Variants in PLA2R1 observed in about 807,000 individuals in gnomAD.
PLA2R1 encodes phospholipase A2 receptor 1.
Under a neutral mutation model 195.9 loss-of-function variants are expected in PLA2R1, and 158 were observed. The observed-to-expected ratio is 0.81, with a 90% CI of 0.71 to 0.92. The LOEUF is 0.92. Ranked by LOEUF, PLA2R1 falls within the 40% of genes least tolerant of loss-of-function variation. The pLI is 0.00. For synonymous variants in PLA2R1, 586 were observed against 598.2 expected (o/e 0.98, Z 0.30); for missense variants, 1,626 against 1,764.6 (o/e 0.92, Z 1.41).
At chr2:160,006,436 A>C (rs1691992198) in intron 10 of PLA2R1, among the ~76,000 whole-genome samples, 1 of 152,214 alleles carries the variant, frequency 6.6e-6, no homozygotes, top group African/African-American at 2.4e-5. Context: ...GTGAAAGCCT[A>C]GGAACTAATC....
chr2:159,996,184 ACTT>A (rs1691197913), intron 11 of PLA2R1, among the ~76,000 whole-genome samples: 1 of 152,084 alleles, frequency 6.6e-6, no homozygotes, highest in African/African-American at 2.4e-5. Context: ...TCTCTGAAGA[ACTT>A]CTTTGAATAT....
At chr2:159,981,853 T>A (rs1689976607) in intron 13 of PLA2R1, among the ~76,000 whole-genome samples, 2 of 152,098 alleles carry the variant, frequency 1.3e-5, no homozygotes, top group Non-Finnish European at 2.9e-5. Context: ...TTTTGAAAAA[T>A]TTTTTTGTAG....
chr2:159,981,219 G>A (rs934889104), intron 13 of PLA2R1, among the ~76,000 whole-genome samples: 1 of 56,126 alleles, frequency 1.8e-5, no homozygotes, highest in East Asian at 4.7e-4. Flanking sequence ...GTGCATACGT[G>A]TGTGTGTGTG....
In PLA2R1 at chr2:159,951,432, C is replaced by A; in HGVS notation, c.3448G>T (p.Val1150Phe). ...KTCLMHKAQL[V>F]SITDQYHQSF... The stretch of plus-strand genomic sequence containing the variant: ...TGGTGATACTGGTCTGTGATGCTGA[C>A]CAGTTGTGCTTTGTGCATCAGGCAG... Residue 1150 changes from valine (V) to phenylalanine (F), a missense_variant, in exon 24 of 30, where the codon GTC becomes TTC. Physicochemically the swap from Val to Phe is conservative, Grantham distance 50 (BLOSUM62 -1). Transcript: ENST00000283243. 6.2e-7 allele frequency: 1 copy of A among 1,613,836 alleles called. No individual in the cohort carries two copies. The highest frequency in any genetic ancestry group is 8.5e-7 in the Non-Finnish European group (1 of 1,179,778).
intron 2 of PLA2R1, among the ~76,000 whole-genome samples, chr2:160,043,549 G>C (rs1000471143): frequency 3.9e-4 from 60 of 152,278 alleles, no homozygotes; most frequent in African/African-American, 1.3e-3. Flanking sequence ...CATGTCACCA[G>C]TCACCAGCCT....
In PLA2R1 at chr2:160,045,171, C is replaced by A; in HGVS notation, c.110-14G>T. ...ATATTCCTTTATCTGAAACAAAAATCAAAGATGTGGCATGAAATTTTCATA... is the reference window on the plus strand; with the variant it reads ...ATATTCCTTTATCTGAAACAAAAATAAAAGATGTGGCATGAAATTTTCATA... On this transcript the variant is annotated splice_polypyrimidine_tract_variant and intron_variant, in intron 1 of 29. Transcript: ENST00000283243. 1.9e-6 allele frequency: 3 copies of A among 1,576,612 alleles called. No individual in the cohort carries two copies. In the South Asian group the frequency reaches 3.4e-5, roughly 18 times the overall value.
intron 1 of PLA2R1, among the ~76,000 whole-genome samples, chr2:160,061,685 G>C (rs1248825623): frequency 6.6e-6 from 1 of 152,182 alleles, no homozygotes; most frequent in African/African-American, 2.4e-5. Context: ...TGAGGTGGGA[G>C]GATCGCTTGA....
intron 17 of PLA2R1, among the ~76,000 whole-genome samples, chr2:159,973,476 T>C (rs1372163307): frequency 1.1e-5 from 1 of 87,300 alleles, no homozygotes; most frequent in Non-Finnish European, 2.2e-5. Flanking sequence ...GGGTGGGGGG[T>C]GGGGGTGTCT....
chr2:160,038,806 G>A (rs1318984249), intron 3 of PLA2R1, among the ~76,000 whole-genome samples: 2 of 152,070 alleles, frequency 1.3e-5, no homozygotes, highest in Non-Finnish European at 2.9e-5. Context: ...GAGGGCTCAG[G>A]AGAGAGCAGC....
chr2:159,977,439 T>C, intron 14 of PLA2R1, 23 bp from the exon 15 acceptor site: 1 of 1,608,802 alleles, frequency 6.2e-7, no homozygotes, highest in Non-Finnish European at 8.5e-7. Context: ...AAGTTCATTA[T>C]TCCTTAATGA....
chr2:159,956,483 G>T, intron 21 of PLA2R1, 27 bp downstream of exon 21: 1 of 1,161,594 alleles, frequency 8.6e-7, no homozygotes. Flanking sequence ...TGGTTATCTT[G>T]GCCTGGTTGG....
chr2:160,023,533 C>T (rs957044480), intron 6 of PLA2R1, among the ~76,000 whole-genome samples: 5 of 152,182 alleles, frequency 3.3e-5, no homozygotes, highest in African/African-American at 9.7e-5. Context: ...TTGTATACCC[C>T]GTTCCCAGAA....
At position 159,941,756 on chromosome 2, in the gene PLA2R1, G is replaced by C. The variant is rs1174245734; in HGVS notation, c.*22C>G. 3.8e-6 allele frequency: 5 copies of C among 1,319,226 alleles called. No homozygotes were observed. The African/African-American group carries it at 7.2e-5, about 19-fold the overall frequency. 81.7% of individuals were successfully genotyped at this position (1,319,226 alleles called of 1,614,324 possible). A position where few individuals can be genotyped will look rare whatever the true frequency, so the allele number is the denominator to read the frequency against. On this transcript the variant is annotated 3_prime_UTR_variant, in exon 30 of 30. Transcript: ENST00000283243. ...GTCTTCTTTACTTACCCTGGTGTCT[G>C]TGGCATTCTCTGACCTCATTATTAT...
intron 17 of PLA2R1, among the ~76,000 whole-genome samples, chr2:159,970,536 G>A (rs929280593): frequency 6.6e-6 from 1 of 152,032 alleles, no homozygotes; most frequent in African/African-American, 2.4e-5. Flanking sequence ...AAAATTATTG[G>A]CTCATCCTCT....
intron 11 of PLA2R1, among the ~76,000 whole-genome samples, chr2:160,001,016 A>T (rs939241519): frequency 1.3e-5 from 2 of 152,128 alleles, no homozygotes; most frequent in African/African-American, 4.8e-5. Flanking sequence ...GTTGTGTAAA[A>T]CCAACCATCT....
chr2:160,003,324 CTTT>C (rs1369411681), intron 11 of PLA2R1, among the ~76,000 whole-genome samples: 1 of 151,760 alleles, frequency 6.6e-6, no homozygotes, highest in East Asian at 1.9e-4. Flanking sequence ...AAAATATAAA[CTTT>C]TTTACTACAA....
intron 20 of PLA2R1, among the ~76,000 whole-genome samples, chr2:159,965,152 A>G (rs1688703026): frequency 1.3e-5 from 2 of 152,174 alleles, no homozygotes; most frequent in South Asian, 4.1e-4. Context: ...GCATTAACAC[A>G]TCATAACCAC....
At chr2:159,992,900 A>G (rs1369308876) in intron 11 of PLA2R1, among the ~76,000 whole-genome samples, 1 of 152,094 alleles carries the variant, frequency 6.6e-6, no homozygotes, top group East Asian at 1.9e-4. Flanking sequence ...TGAATGAAAC[A>G]CGCCAGGGGT....
Position 159,947,481 on chromosome 2 carries a change from CT to C in PLA2R1, c.3787del (p.Ser1263ValfsTer6). ...PWIKFKSNCY[S>X]FSTVLDSMSF... ...CATACTGTCTAGGACTGTAGAAAAA[CT>C]GTAGCAATTACTTTTAAATTTTATC... On this transcript the variant is annotated frameshift_variant, in exon 26 of 30. Transcript: ENST00000283243. LOFTEE classifies it high-confidence loss of function. 1 of 1,613,306 alleles carries C rather than the reference CT, an allele frequency of 6.2e-7. No individual in the cohort carries two copies. The highest frequency in any genetic ancestry group is 8.5e-7 in the Non-Finnish European group (1 of 1,179,398).
Sources: gnomAD v4.1 joint callset for allele counts (sites outside exome capture counted in the v4.1 genomes callset) on GRCh38, gnomAD v4.1.1 for gene constraint, MANE v1.5 for transcripts, NCBI Gene and HGNC (gene_info 2026-07-23, HGNC 2026-07-21) for gene names.